The following CLVS1 variants were observed in gnomAD, a reference collection of about 807,000 sequenced individuals.
CLVS1 encodes the protein clavesin-1.
A neutral mutation model predicts 33.1 loss-of-function variants in CLVS1; 10 were observed. That is an observed-to-expected ratio of 0.30 (90% confidence interval 0.19 to 0.51). CLVS1 has a LOEUF of 0.51. CLVS1 is among the 20% of genes least tolerant of loss of function. The pLI is 0.97. For synonymous variants in CLVS1, 163 were observed against 166.1 expected, an observed-to-expected ratio of 0.98 and a Z score of 0.14; for missense variants, 343 against 433.4, an observed-to-expected ratio of 0.79 and a Z score of 1.85.
At chr8:61,137,672 T>C (rs1256950752) in intron 2 of CLVS1, among the ~76,000 whole-genome samples, 2 of 152,182 alleles carry the variant, frequency 1.3e-5, no homozygotes, top group African/African-American at 4.8e-5. Context: ...TCAGAATTAC[T>C]TTCCTTTCCT....
At chr8:61,183,157 G>A (rs1427692731) in intron 2 of CLVS1, among the ~76,000 whole-genome samples, 2 of 150,808 alleles carry the variant, frequency 1.3e-5, no homozygotes, top group Non-Finnish European at 3.0e-5. Flanking sequence ...CAGGGCGGAG[G>A]GGGGCAGGCA....
At chr8:61,033,871 C>T in the CLVS1 span, among the ~76,000 whole-genome samples, 5 of 152,336 alleles carry the variant, frequency 3.3e-5, no homozygotes, top group South Asian at 2.1e-4. Context: ...ACAAGAGAGA[C>T]TGATGTTTAA....
At chr8:61,436,106 A>C (rs1485662886) in intron 3 of CLVS1, among the ~76,000 whole-genome samples, 1 of 152,190 alleles carries the variant, frequency 6.6e-6, no homozygotes, top group Non-Finnish European at 1.5e-5. Context: ...CAGCCTACAA[A>C]ATAGCCTGTA....
chr8:61,489,229 A>G (rs768998327), intron 5 of CLVS1, among the ~76,000 whole-genome samples: 9 of 152,356 alleles, frequency 5.9e-5, no homozygotes, highest in Admixed American at 5.2e-4. Context: ...ATTAACATCA[A>G]TGAGAGAAAT....
At chr8:61,497,522 T>C (rs1282028868) in intron 5 of CLVS1, among the ~76,000 whole-genome samples, 1 of 151,328 alleles carries the variant, frequency 6.6e-6, no homozygotes, top group Non-Finnish European at 1.5e-5. Flanking sequence ...CTTCCACCAT[T>C]CCCTCTTGTT....
chr8:61,494,940 A>G (rs1317647423), intron 5 of CLVS1, among the ~76,000 whole-genome samples: 1 of 152,204 alleles, frequency 6.6e-6, no homozygotes, highest in African/African-American at 2.4e-5. Context: ...GAAAATGTAA[A>G]CCAGGAAAAT....
intron 2 of CLVS1, among the ~76,000 whole-genome samples, chr8:61,152,663 C>T (rs1236419898): frequency 6.6e-6 from 1 of 152,148 alleles, no homozygotes; most frequent in African/African-American, 2.4e-5. Context: ...GAGTGGGGCT[C>T]TCAGGGCATA....
At chr8:61,384,965 C>T (rs1038929235) in intron 3 of CLVS1, among the ~76,000 whole-genome samples, 18 of 152,016 alleles carry the variant, frequency 1.2e-4, no homozygotes, top group Non-Finnish European at 5.9e-5. Context: ...GAAACCATGG[C>T]AGTGCAGTGG....
chr8:61,493,501 T>C (rs1177803672), intron 5 of CLVS1, among the ~76,000 whole-genome samples: 1 of 152,160 alleles, frequency 6.6e-6, no homozygotes, highest in Non-Finnish European at 1.5e-5. Flanking sequence ...GTGGCCACTA[T>C]CCTATCTTCA....
chr8:61,331,837 C>T (rs1811612956), intron 2 of CLVS1, among the ~76,000 whole-genome samples: 1 of 151,242 alleles, frequency 6.6e-6, no homozygotes. Flanking sequence ...TCCTCCTCCT[C>T]CTCCTCCTCC....
At chr8:61,078,327 A>C (rs1804962765) in intron 1 of CLVS1, among the ~76,000 whole-genome samples, 1 of 152,110 alleles carries the variant, frequency 6.6e-6, no homozygotes. Context: ...TTATTTGCTA[A>C]ATTGGGACTG....
chr8:61,331,531 T>TAAA (rs34893220), intron 2 of CLVS1, among the ~76,000 whole-genome samples: 7 of 146,060 alleles, frequency 4.8e-5, no homozygotes, highest in African/African-American at 1.5e-4. Context: ...CCTTCCCAAT[T>TAAA]AAAAAAAAAA....
the CLVS1 span, among the ~76,000 whole-genome samples, chr8:60,974,143 G>A: frequency 2.0e-5 from 3 of 152,136 alleles, no homozygotes; most frequent in Admixed American, 6.5e-5. Flanking sequence ...GCTGGGAGAA[G>A]TTGTTGGAAG....
chr8:61,451,710 C>G (rs1476468830), intron 3 of CLVS1, among the ~76,000 whole-genome samples: 3 of 151,852 alleles, frequency 2.0e-5, no homozygotes, highest in East Asian at 3.9e-4. Flanking sequence ...CGGATGTGAT[C>G]AGGCAAGAGG....
At position 61,289,426 on chromosome 8, in the gene CLVS1, C is replaced by T. The variant is rs534464135; in HGVS notation, c.-152+1288C>T. 5.9e-5 allele frequency among the ~76,000 whole-genome samples: 9 copies of T among 152,246 alleles called. No homozygotes were observed. The East Asian group carries it at 1.7e-3, about 29-fold the overall frequency. Reference sequence around the variant, plus strand: ...GCCAGGATTATCTGTTTTATAAGAGCTAACAAGCACCAGAAAATAAGTGCC... The same window carrying T: ...GCCAGGATTATCTGTTTTATAAGAGTTAACAAGCACCAGAAAATAAGTGCC... On this transcript the variant is annotated intron_variant, in intron 1 of 5. Coordinates refer to ENST00000325897, the MANE Select transcript of CLVS1 (RefSeq NM_173519.3).
intron 5 of CLVS1, among the ~76,000 whole-genome samples, chr8:61,471,615 C>T (rs11997276): frequency 0.1 from 15,727 of 152,068 alleles, 2,414 homozygotes; most frequent in African/African-American, 0.34. Flanking sequence ...TGGGAGCGGG[C>T]CACAGAAAGC....
At chr8:61,484,122 G>A (rs1586043244) in intron 5 of CLVS1, among the ~76,000 whole-genome samples, 2 of 152,234 alleles carry the variant, frequency 1.3e-5, no homozygotes, top group East Asian at 1.9e-4. Context: ...GAAATATAGG[G>A]TATTAAATTA....
chr8:61,207,623 C>T (rs1362055720), intron 2 of CLVS1, among the ~76,000 whole-genome samples: 1 of 152,212 alleles, frequency 6.6e-6, no homozygotes, highest in African/African-American at 2.4e-5. Flanking sequence ...ACAGAAAAGT[C>T]TATGGTTTTC....
At chr8:61,183,088 T>C (rs1297924671) in intron 2 of CLVS1, among the ~76,000 whole-genome samples, 3 of 148,774 alleles carry the variant, frequency 2.0e-5, no homozygotes, top group African/African-American at 7.7e-5. Flanking sequence ...TAAGTGGGAG[T>C]TGAACAATGA....
Sources: gnomAD v4.1 joint callset for allele counts (sites outside exome capture counted in the v4.1 genomes callset) on GRCh38, gnomAD v4.1.1 for gene constraint, MANE v1.5 for transcripts, NCBI Gene and HGNC (gene_info 2026-07-23, HGNC 2026-07-21) for gene names.